Variants in NUCB2 observed in about 807,000 individuals in gnomAD.
NUCB2 encodes the protein nucleobindin-2.
Under a neutral mutation model 57.9 loss-of-function variants are expected in NUCB2, and 48 were observed. The observed-to-expected ratio is 0.83, with a 90% CI of 0.66 to 1.05. The LOEUF (loss-of-function observed/expected upper bound fraction) is 1.05. NUCB2 is among the 50% of genes least tolerant of loss of function. The probability of loss-of-function intolerance (pLI) is 0.00; values close to 1 mark genes in which losing one functional copy is unlikely to be tolerated. For missense variants in NUCB2, 442 were observed against 476.2 expected, an observed-to-expected ratio of 0.93 and a Z score of 0.67; for synonymous variants, 139 against 152.1, an observed-to-expected ratio of 0.91 and a Z score of 0.64.
intron 2 of NUCB2, among the ~76,000 whole-genome samples, chr11:17,288,955 A>ATTTTTTTTTTTTTTTTTATG (rs1944430718): frequency 1.7e-5 from 1 of 59,278 alleles, no homozygotes; most frequent in African/African-American, 1.0e-4. Context: ...ACACACATAT[A>ATTTTTTTTTTTTTTTTTATG]TATATATATT....
At chr11:17,319,699 A>G (rs755265111) in intron 11 of NUCB2, among the ~76,000 whole-genome samples, 45 of 152,182 alleles carry the variant, frequency 3.0e-4, no homozygotes, top group Non-Finnish European at 4.9e-4. Flanking sequence ...TCCAGTTGCA[A>G]TCCAACAACT....
chr11:17,286,121 C>T (rs1450108390), intron 2 of NUCB2, among the ~76,000 whole-genome samples: 12 of 152,202 alleles, frequency 7.9e-5, no homozygotes, highest in Admixed American at 3.9e-4. Flanking sequence ...GCAGCCTCAA[C>T]CTGCTGGGCT....
chr11:17,315,555 C>T (rs1311718082), intron 11 of NUCB2, 80 bp downstream of exon 11: 3 of 759,744 alleles, frequency 3.9e-6, no homozygotes, highest in Non-Finnish European at 6.6e-6. Context: ...TTTTATTCCC[C>T]ATTATGTTTG....
At chr11:17,319,530 A>C (rs886505847) in intron 11 of NUCB2, among the ~76,000 whole-genome samples, 4 of 152,234 alleles carry the variant, frequency 2.6e-5, no homozygotes, top group Non-Finnish European at 5.9e-5. Context: ...ATGACAGAGC[A>C]GGGGAATTAA....
chr11:17,305,481 G>A (rs1947476661), intron 5 of NUCB2, among the ~76,000 whole-genome samples: 1 of 152,052 alleles, frequency 6.6e-6, no homozygotes, highest in South Asian at 2.1e-4. Flanking sequence ...CATTAAAACT[G>A]TATGGCTTAG....
intron 5 of NUCB2, among the ~76,000 whole-genome samples, chr11:17,306,337 C>T (rs763340607): frequency 6.6e-6 from 1 of 152,152 alleles, no homozygotes; most frequent in Non-Finnish European, 1.5e-5. Flanking sequence ...CTAGATCTCA[C>T]CTCCAGAGAT....
intron 2 of NUCB2, among the ~76,000 whole-genome samples, chr11:17,289,528 C>G (rs1371532097): frequency 1.3e-5 from 2 of 152,142 alleles, no homozygotes; most frequent in Non-Finnish European, 2.9e-5. Context: ...AAGAACTAAA[C>G]TAATAAACAC....
chr11:17,324,243 T>C (rs1184020399), intron 11 of NUCB2, among the ~76,000 whole-genome samples: 1 of 152,198 alleles, frequency 6.6e-6, no homozygotes, highest in Admixed American at 6.5e-5. Context: ...TTTTGGTATG[T>C]TGTATTTCCA....
chr11:17,309,459 G>T (rs1045389104), intron 5 of NUCB2, 113 bp from the exon 6 acceptor site: 2 of 613,964 alleles, frequency 3.3e-6, no homozygotes, highest in African/African-American at 3.9e-5. Flanking sequence ...TAAAACTTTG[G>T]ATTTCCTTAT....
At chr11:17,280,751 A>G (rs946206884) in intron 1 of NUCB2, among the ~76,000 whole-genome samples, 1 of 152,194 alleles carries the variant, frequency 6.6e-6, no homozygotes, top group Admixed American at 6.6e-5. Context: ...TTCAAAAATG[A>G]CTGTAAGACC....
intron 2 of NUCB2, among the ~76,000 whole-genome samples, chr11:17,348,066 T>G (rs947262016): frequency 6.6e-6 from 1 of 152,200 alleles, no homozygotes; most frequent in Non-Finnish European, 1.5e-5. Context: ...AAATGACAGT[T>G]CTTCGTGGGT....
At chr11:17,293,373 G>A (rs1945275535) in intron 2 of NUCB2, among the ~76,000 whole-genome samples, 1 of 152,066 alleles carries the variant, frequency 6.6e-6, no homozygotes, top group Non-Finnish European at 1.5e-5. Flanking sequence ...GGCAGGAGAG[G>A]AAGAGAGCAG....
intron 5 of NUCB2, 149 bp downstream of exon 5, chr11:17,302,019 C>A (rs949785649): frequency 6.4e-5 from 39 of 606,206 alleles, no homozygotes; most frequent in African/African-American, 6.0e-4. Flanking sequence ...CCCATCTCAA[C>A]CTCCTGAGTA....
chr11:17,348,708 C>T (rs1952974594), intron 2 of NUCB2, among the ~76,000 whole-genome samples: 1 of 151,944 alleles, frequency 6.6e-6, no homozygotes, highest in Non-Finnish European at 1.5e-5. Context: ...TAGATTGTGC[C>T]TGGCAGAGTT....
intron 2 of NUCB2, among the ~76,000 whole-genome samples, chr11:17,293,292 A>T (rs1425135892): frequency 1.3e-5 from 2 of 150,000 alleles, no homozygotes; most frequent in Non-Finnish European, 3.0e-5. Flanking sequence ...AGGTGTTGTT[A>T]GGACATACAC....
chr11:17,287,321 G>A (rs1280404458), intron 2 of NUCB2, among the ~76,000 whole-genome samples: 2 of 151,914 alleles, frequency 1.3e-5, no homozygotes, highest in African/African-American at 2.4e-5. Flanking sequence ...GGCAGAATGA[G>A]AACCTGTCTC....
chr11:17,290,999 C>T (rs544680962), intron 2 of NUCB2, among the ~76,000 whole-genome samples: 40 of 152,168 alleles, frequency 2.6e-4, no homozygotes, highest in South Asian at 6.2e-4. Context: ...ATGCAACCAT[C>T]TCAACGATCT....
intron 11 of NUCB2, among the ~76,000 whole-genome samples, chr11:17,321,790 A>G (rs918564691): frequency 2.6e-5 from 4 of 151,910 alleles, no homozygotes; most frequent in Admixed American, 1.3e-4. Context: ...GATAAAAGCC[A>G]TTTTAACTGG....
intron 2 of NUCB2, among the ~76,000 whole-genome samples, chr11:17,345,887 A>C (rs1325466757): frequency 6.6e-6 from 1 of 152,192 alleles, no homozygotes; most frequent in Non-Finnish European, 1.5e-5. Flanking sequence ...GAGAATCAGA[A>C]AAACAGAGAC....
Sources: allele counts gnomAD v4.1 joint callset (sites outside exome capture counted in the v4.1 genomes callset), GRCh38; gene constraint gnomAD v4.1.1; transcripts MANE v1.5; gene names NCBI Gene and HGNC (gene_info 2026-07-23, HGNC 2026-07-21).